CALN1: variants seen among roughly 807,000 people sequenced by gnomAD.
CALN1 encodes the protein calcium-binding protein 8.
In CALN1, 17 loss-of-function variants were observed where a neutral mutation model predicts 30.6. The observed-to-expected ratio is 0.56, with a 90% CI of 0.38 to 0.83. CALN1 has a LOEUF of 0.83. Ranked by LOEUF, CALN1 falls within the 40% of genes least tolerant of loss-of-function variation. The pLI, the probability that CALN1 is intolerant of heterozygous loss-of-function variation, is 0.00. For synonymous variants in CALN1, 156 were observed against 131.4 expected (o/e 1.19, Z -1.28); for missense variants, 291 against 354.9 (o/e 0.82, Z 1.45).
At chr7:72,349,119 A>G (rs1802789387) in intron 2 of CALN1, among the ~76,000 whole-genome samples, 2 of 152,224 alleles carry the variant, frequency 1.3e-5, no homozygotes, top group Admixed American at 6.5e-5. Context: ...TTGTAGAAAA[A>G]TAAGTGAGTT....
chr7:72,016,978 C>A (rs117333216), intron 5 of CALN1, among the ~76,000 whole-genome samples: 6,674 of 110,578 alleles, frequency 0.06, 273 homozygotes, highest in East Asian at 0.25. Flanking sequence ...GGTGGCAAAA[C>A]CCCGTGTTTA....
At chr7:72,356,693 T>G (rs1295723628) in intron 2 of CALN1, among the ~76,000 whole-genome samples, 1 of 152,042 alleles carries the variant, frequency 6.6e-6, no homozygotes, top group Non-Finnish European at 1.5e-5. Context: ...ATTATTATTG[T>G]GTATTATTAG....
intron 3 of CALN1, among the ~76,000 whole-genome samples, chr7:72,215,838 C>A (rs1214923252): frequency 2.6e-5 from 4 of 152,138 alleles, no homozygotes; most frequent in Non-Finnish European, 5.9e-5. Context: ...AGGCAGCCCC[C>A]AGCCAGTGAC....
chr7:72,227,803 C>T (rs1793797354), intron 3 of CALN1, among the ~76,000 whole-genome samples: 1 of 151,956 alleles, frequency 6.6e-6, no homozygotes, highest in Admixed American at 6.6e-5. Context: ...TGAGCCGAGA[C>T]TGCACCACTG....
chr7:72,255,123 T>C lies in CALN1; in HGVS notation c.244+23563A>G, dbSNP rs1366350392. ...TCTTTTGAGACGGAATCTCTCTCTG[T>C]CACCCAGCCTGGAGTGCAGTGGCAC... On this transcript the variant is annotated intron_variant, in intron 3 of 6. Coordinates refer to ENST00000395275, the MANE Select transcript of CALN1 (RefSeq NM_031468.4). Among the ~76,000 whole-genome samples the C allele has an allele frequency of 2.0e-5, 3 of 151,910 alleles. No homozygotes were observed. The South Asian group carries it at 6.2e-4, about 32-fold the overall frequency.
At chr7:72,434,037 G>A (rs74949912) in intron 1 of CALN1, among the ~76,000 whole-genome samples, 2,516 of 151,084 alleles carry the variant, frequency 0.017, 64 homozygotes, top group African/African-American at 0.057. Flanking sequence ...TCCAGCCTGG[G>A]TGAAAAAGTG....
chr7:71,955,108 A>C (rs934838276), intron 5 of CALN1, among the ~76,000 whole-genome samples: 1 of 152,134 alleles, frequency 6.6e-6, no homozygotes, highest in African/African-American at 2.4e-5. Context: ...GAGACCTCGC[A>C]ATCATGGCAG....
intron 3 of CALN1, among the ~76,000 whole-genome samples, chr7:72,209,163 T>C (rs1210976258): frequency 7.2e-6 from 1 of 139,460 alleles, no homozygotes; most frequent in African/African-American, 2.8e-5. Flanking sequence ...CCTTCTCCCT[T>C]GACTTCTTCC....
At chr7:72,061,388 T>C (rs934496037) in intron 4 of CALN1, among the ~76,000 whole-genome samples, 1 of 152,134 alleles carries the variant, frequency 6.6e-6, no homozygotes, top group Non-Finnish European at 1.5e-5. Context: ...TATTTCTTTG[T>C]TGAGAGGTTT....
intron 5 of CALN1, among the ~76,000 whole-genome samples, chr7:72,002,493 A>C (rs550645345): frequency 1.3e-3 from 197 of 152,296 alleles, no homozygotes; most frequent in African/African-American, 4.5e-3. Flanking sequence ...TATAAAGTTG[A>C]AAAATTGTAA....
At chr7:72,076,924 T>C (rs1347114719) in intron 4 of CALN1, among the ~76,000 whole-genome samples, 1 of 152,182 alleles carries the variant, frequency 6.6e-6, no homozygotes, top group Non-Finnish European at 1.5e-5. Context: ...GTTTTGTTTT[T>C]TATTTTTTAT....
intron 5 of CALN1, among the ~76,000 whole-genome samples, chr7:71,839,613 G>T (rs1789818595): frequency 6.6e-6 from 1 of 152,192 alleles, no homozygotes; most frequent in Admixed American, 6.5e-5. Context: ...TCAAATGCTG[G>T]ATTGGATTAT....
intron 5 of CALN1, among the ~76,000 whole-genome samples, chr7:71,910,165 G>C (rs1794351663): frequency 6.6e-6 from 1 of 152,060 alleles, no homozygotes; most frequent in African/African-American, 2.4e-5. Context: ...ATTTGGATGG[G>C]GACACAGCCA....
chr7:71,868,698 G>A (rs926081405), intron 5 of CALN1, among the ~76,000 whole-genome samples: 1 of 151,934 alleles, frequency 6.6e-6, no homozygotes, highest in Non-Finnish European at 1.5e-5. Flanking sequence ...TGGGGCTAAA[G>A]CATTCATGAA....
chr7:72,284,192 G>A (rs1430864009), intron 2 of CALN1, among the ~76,000 whole-genome samples: 1 of 152,174 alleles, frequency 6.6e-6, no homozygotes, highest in Non-Finnish European at 1.5e-5. Flanking sequence ...CTACTCAGGA[G>A]GCTGAGGTAG....
At chr7:72,058,566 G>T (rs945430889) in intron 4 of CALN1, among the ~76,000 whole-genome samples, 10 of 151,958 alleles carry the variant, frequency 6.6e-5, no homozygotes, top group African/African-American at 2.4e-4. Flanking sequence ...TGATCTGCCT[G>T]CCTCGGCCTC....
intron 2 of CALN1, among the ~76,000 whole-genome samples, chr7:72,284,746 G>A (rs757833993): frequency 2.0e-5 from 3 of 152,032 alleles, no homozygotes; most frequent in Non-Finnish European, 4.4e-5. Flanking sequence ...AGCAGACTGT[G>A]GAATTTTCAG....
the CALN1 span, among the ~76,000 whole-genome samples, chr7:72,499,655 G>A: frequency 6.6e-6 from 1 of 152,024 alleles, no homozygotes; most frequent in Non-Finnish European, 1.5e-5. Context: ...AAAAAGGAAT[G>A]AGTAGTATTG....
chr7:71,944,663 C>G, intron 5 of CALN1, among the ~76,000 whole-genome samples: 1 of 147,906 alleles, frequency 6.8e-6, no homozygotes, highest in East Asian at 2.0e-4. Flanking sequence ...CCTATTGTGT[C>G]TAAGCTGTTC....
Sources: allele counts gnomAD v4.1 joint callset (sites outside exome capture counted in the v4.1 genomes callset), GRCh38; gene constraint gnomAD v4.1.1; transcripts MANE v1.5; gene names NCBI Gene and HGNC (gene_info 2026-07-23, HGNC 2026-07-21).